The following CUX1 variants were observed in gnomAD, a reference collection of about 807,000 sequenced individuals.
CUX1 encodes the protein protein CASP.
CUX1 carries 31 observed loss-of-function variants against 158.8 expected under a neutral mutation model. That is an observed-to-expected ratio of 0.20 (90% CI 0.15 to 0.26). The LOEUF is 0.26. Ranked by LOEUF, CUX1 falls within the 10% of genes least tolerant of loss-of-function variation. The probability of loss-of-function intolerance (pLI) is 1.00; values close to 1 mark genes in which losing one functional copy is unlikely to be tolerated. For missense variants in CUX1, 1,589 were observed against 2,014.6 expected, an observed-to-expected ratio of 0.79 and a Z score of 4.04; for synonymous variants, 879 against 862.1, an observed-to-expected ratio of 1.02 and a Z score of -0.34.
At chr7:102,194,437 T>TA (rs35830576) in intron 13 of CUX1, among the ~76,000 whole-genome samples, 53,714 of 144,038 alleles carry the variant, frequency 0.37, 9,992 homozygotes, top group Middle Eastern at 0.47. Flanking sequence ...ATGTTGCTAT[T>TA]AAAAAAAAAA....
chr7:101,989,694 G>T (rs906718187), intron 2 of CUX1, among the ~76,000 whole-genome samples: 1 of 152,170 alleles, frequency 6.6e-6, no homozygotes, highest in African/African-American at 2.4e-5. Flanking sequence ...AGGTGGTACA[G>T]GTGTTCTGAC....
chr7:101,896,725 T>C (rs1178778780), intron 1 of CUX1, among the ~76,000 whole-genome samples: 1 of 152,126 alleles, frequency 6.6e-6, no homozygotes, highest in Non-Finnish European at 1.5e-5. Context: ...ATGGGAAAAA[T>C]AAAAAATTAG....
At chr7:101,853,045 C>T (rs1281526367) in intron 1 of CUX1, among the ~76,000 whole-genome samples, 3 of 152,064 alleles carry the variant, frequency 2.0e-5, no homozygotes, top group Non-Finnish European at 4.4e-5. Flanking sequence ...CAGTTGCATA[C>T]CATGCATTTT....
At chr7:102,270,246 G>T (rs1791117022) in intron 14 of CUX1, among the ~76,000 whole-genome samples, 1 of 152,236 alleles carries the variant, frequency 6.6e-6, no homozygotes, top group South Asian at 2.1e-4. Context: ...GAGAAGGCAG[G>T]GTGAGGCAGC....
intron 14 of CUX1, among the ~76,000 whole-genome samples, chr7:102,269,089 C>G (rs1407528269): frequency 2.0e-5 from 3 of 150,830 alleles, no homozygotes; most frequent in Admixed American, 1.3e-4. Flanking sequence ...GCTACACCAC[C>G]ACACCCAGCT....
rs782242812 is a variant in CUX1, at chr7:102,234,029, TCTTG to T, written c.3434-19_3434-16del. 8.6e-5 allele frequency: 124 copies of T among 1,447,492 alleles called. No homozygotes were observed. Among genetic ancestry groups the T allele is most frequent in the Middle Eastern group, 7.4e-4 (4 of 5,406 alleles). The allele number at this position is 1,447,492 out of a possible 1,614,324, so 89.7% of individuals were successfully genotyped here. On this transcript the variant is annotated intron_variant, in intron 21 of 23. Transcript: ENST00000292535. ...CCCTGGCTCTCGGTGACAATACCTG[TCTTG>T]CTTCTGTTTTCTCTCTAGGCCAGCG...
At chr7:101,865,966 C>A (rs187675582) in intron 1 of CUX1, among the ~76,000 whole-genome samples, 15 of 151,994 alleles carry the variant, frequency 9.9e-5, no homozygotes, top group Admixed American at 9.2e-4. Context: ...TTACAGCCTC[C>A]GGTCAAAAAA....
intron 8 of CUX1, among the ~76,000 whole-genome samples, chr7:102,118,739 T>TTTG (rs199523062): frequency 0.022 from 3,326 of 151,904 alleles, 43 homozygotes; most frequent in South Asian, 0.055. Flanking sequence ...CTGGGTGGTT[T>TTTG]TTGTTGTTGT....
intron 8 of CUX1, among the ~76,000 whole-genome samples, chr7:102,123,598 G>A (rs1832295233): frequency 7.5e-6 from 1 of 132,932 alleles, no homozygotes; most frequent in Non-Finnish European, 1.5e-5. Flanking sequence ...GGCAGAGTGA[G>A]ACTCCGTCTC....
At chr7:102,283,051 G>C (rs782314850) in exon 23 of CUX1, 3 of 1,613,266 alleles carry the variant, frequency 1.9e-6, no homozygotes, top group African/African-American at 2.7e-5. Context: ...AGTTCCACGA[G>C]AATGACAACG....
rs1252949398 is a variant in CUX1, at chr7:101,917,550, TG to T, written c.141+1331del. ...TGCCTTCTCTGCCAGTGTTGGGGAGTGGGGGGCCCTATTCTCCATGTCAGCC... is the reference window on the plus strand; with the variant it reads ...TGCCTTCTCTGCCAGTGTTGGGGAGTGGGGGCCCTATTCTCCATGTCAGCC... On this transcript the variant is annotated intron_variant, in intron 2 of 23. Coordinates refer to ENST00000292535, the MANE Select transcript of CUX1 (RefSeq NM_181552.4). Among the ~76,000 whole-genome samples the T allele has an allele frequency of 2.0e-5, 3 of 151,616 alleles. No homozygotes were observed. In the East Asian group the frequency reaches 5.8e-4, roughly 29 times the overall value.
chr7:102,180,964 C>T (rs1258543201), intron 11 of CUX1, among the ~76,000 whole-genome samples: 5 of 141,298 alleles, frequency 3.5e-5, no homozygotes, highest in African/African-American at 8.0e-5. Flanking sequence ...TTATTTGAGA[C>T]GGAATTTCGT....
Position 102,221,164 on chromosome 7 carries a change from A to G in CUX1, c.3131-6203A>G, listed in dbSNP as rs1325246428. On this transcript the variant is annotated intron_variant, in intron 20 of 23. Coordinates refer to ENST00000292535, the MANE Select transcript of CUX1 (RefSeq NM_181552.4). ...TTGGCATGGGCTCAAAGCCGAAACC[A>G]TGGACAGAATGAAAAGTGGCGCATC... Among the ~76,000 whole-genome samples the G allele has an allele frequency of 2.0e-5, 3 of 152,166 alleles. No individual in the cohort carries two copies. In the East Asian group the frequency reaches 5.8e-4, roughly 29 times the overall value.
chr7:102,081,601 C>T (rs1056811221), intron 4 of CUX1, among the ~76,000 whole-genome samples: 4 of 146,942 alleles, frequency 2.7e-5, no homozygotes, highest in Admixed American at 6.9e-5. Context: ...TCCATTAAAC[C>T]CCTTTGCTTT....
intron 2 of CUX1, among the ~76,000 whole-genome samples, chr7:101,947,754 C>A (rs1280914628): frequency 1.3e-5 from 2 of 152,082 alleles, no homozygotes; most frequent in African/African-American, 4.8e-5. Context: ...TCTTTTAAAG[C>A]AGTAAATGAA....
chr7:102,096,344 T>G (rs1241922607), intron 4 of CUX1, among the ~76,000 whole-genome samples: 1 of 92,054 alleles, frequency 1.1e-5, no homozygotes, highest in African/African-American at 6.6e-5. Context: ...TGTCATGAAA[T>G]GGGGTGGCTT....
chr7:101,852,835 C>A (rs1239690418), intron 1 of CUX1, among the ~76,000 whole-genome samples: 1 of 151,704 alleles, frequency 6.6e-6, no homozygotes, highest in Admixed American at 6.6e-5. Context: ...TGCCACCATG[C>A]CTGGCTAGTT....
At chr7:102,072,050 A>T (rs1826192675) in intron 4 of CUX1, among the ~76,000 whole-genome samples, 1 of 152,208 alleles carries the variant, frequency 6.6e-6, no homozygotes, top group African/African-American at 2.4e-5. Flanking sequence ...AGTAAAATGG[A>T]TCAGAGTGTT....
chr7:102,248,702 GA>G lies in CUX1; in HGVS notation c.4179del (p.Gly1394AlafsTer91). ...GACGCCCGCGACGACGACCACGAGG[GA>G]GGCCCCGTGGAAGGCCCGGGGCCCC... is the stretch of plus-strand genomic sequence containing the variant. The part of the protein sequence containing the change: ...PDDARDDDHE[G>X]GPVEGPGPLP... On this transcript the variant is annotated frameshift_variant, in exon 24 of 24. Coordinates refer to ENST00000292535, the MANE Select transcript of CUX1 (RefSeq NM_181552.4). LOFTEE classifies it low-confidence loss of function (END_TRUNC). This position sits in a 1 kb window ranked among gnomAD's most constrained non-coding sequence, Gnocchi z 5.8. 8.1e-7 allele frequency: 1 copy of G among 1,242,078 alleles called. No homozygotes were observed. Among genetic ancestry groups the G allele is most frequent in the Non-Finnish European group, 1.0e-6 (1 of 988,604 alleles). The allele number at this position is 1,242,078 out of a possible 1,614,324, so 76.9% of individuals were successfully genotyped here. A position where few individuals can be genotyped will look rare whatever the true frequency, so the allele number is the denominator to read the frequency against.
Sources: allele counts gnomAD v4.1 joint callset (sites outside exome capture counted in the v4.1 genomes callset), GRCh38; gene constraint gnomAD v4.1.1; non-coding constraint Gnocchi (gnomAD v3.1); transcripts MANE v1.5; gene names NCBI Gene and HGNC (gene_info 2026-07-23, HGNC 2026-07-21).